VPS35: variants seen among roughly 807,000 people sequenced by gnomAD.
The protein encoded by VPS35 is VPS35 retromer complex component, also known as vacuolar protein sorting-associated protein 35.
Under a neutral mutation model 98.1 loss-of-function variants are expected in VPS35, and 21 were observed. The observed-to-expected ratio is 0.21, with a 90% CI of 0.15 to 0.31. The LOEUF is 0.31. Among genes scored for constraint, VPS35 ranks in the 10% least tolerant of loss-of-function variants. The pLI is 1.00. For synonymous variants in VPS35, 268 were observed against 318.2 expected (o/e 0.84, Z 1.68); for missense variants, 554 against 950.8 (o/e 0.58, Z 5.49).
intron 1 of VPS35, chr16:46,688,551 T>C (rs773872331): frequency 2.1e-4 from 211 of 992,816 alleles, no homozygotes; most frequent in Non-Finnish European, 2.3e-4. Context: ...GAAGACAGCC[T>C]GAGTCCTTCC....
rs780197148 is a variant in VPS35 at position 46,662,486 on chromosome 16, G to A, written c.1828-4C>T. 1 of 1,613,694 alleles carries A rather than the reference G, an allele frequency of 6.2e-7. No homozygotes were observed. The highest frequency in any genetic ancestry group is 8.5e-7 in the Non-Finnish European group (1 of 1,180,028). On this transcript the variant is annotated splice_polypyrimidine_tract_variant and splice_region_variant and intron_variant, in intron 14 of 16. Coordinates refer to ENST00000299138, the MANE Select transcript of VPS35 (RefSeq NM_018206.6). ...CATCTTCATACAGAGAAAATGCCTA[G>A]TGAACATAAAGCAGAAAGGACTTTC... is the stretch of plus-strand genomic sequence containing the variant.
At chr16:46,688,364 AC>A (rs1966356862) in intron 1 of VPS35, 1 of 986,978 alleles carries the variant, frequency 1.0e-6, no homozygotes, top group Non-Finnish European at 1.2e-6. Flanking sequence ...GTTCAAGTTT[AC>A]CGGCCAACAG....
At chr16:46,660,811 AC>A (rs1245083143) in intron 16 of VPS35, 160 bp from the exon 17 acceptor site, 1 of 459,262 alleles carries the variant, frequency 2.2e-6, no homozygotes, top group Non-Finnish European at 4.0e-6. Flanking sequence ...TTGAACAATT[AC>A]TGACTATCAA....
chr16:46,684,239 G>A (rs752833962), intron 1 of VPS35, among the ~76,000 whole-genome samples: 3 of 152,122 alleles, frequency 2.0e-5, no homozygotes, highest in African/African-American at 4.8e-5. Flanking sequence ...CTGACCAATC[G>A]AAATCTTGTG....
At chr16:46,681,034 C>CAG (rs1596723725) in intron 4 of VPS35, among the ~76,000 whole-genome samples, 181 bp from the exon 5 acceptor site, 1 of 144,744 alleles carries the variant, frequency 6.9e-6, no homozygotes, top group East Asian at 2.0e-4. Context: ...AAAAACTATA[C>CAG]ACACACACAC....
In VPS35 at chr16:46,660,519, C is replaced by T. The variant is rs763043556; in HGVS notation, c.2344G>A (p.Glu782Lys). The T allele has an allele frequency of 1.2e-6, 2 of 1,613,994 alleles. No individual in the cohort carries two copies. The highest frequency in any genetic ancestry group is 2.2e-5 in the South Asian group (2 of 91,080). The stretch of plus-strand genomic sequence containing the variant: ...ATTGGCCCCTCGGATTCTGGTGATT[C>T]CCGCCGCAAGCGCAAATGCTCCAGT... ...NTLEHLRLRRESPESEGPIYE... is the reference protein window; with the variant it reads ...NTLEHLRLRRKSPESEGPIYE... Residue 782 changes from glutamate (E) to lysine (K), a missense_variant, in exon 17 of 17, where the codon GAA becomes AAA. This residue lies in a region of VPS35 where 153 missense variants were observed against 211.0 expected (regional missense o/e 0.73). Coordinates refer to ENST00000299138, the MANE Select transcript of VPS35 (RefSeq NM_018206.6).
intron 1 of VPS35, among the ~76,000 whole-genome samples, chr16:46,685,373 T>C (rs532551146): frequency 2.6e-5 from 4 of 152,156 alleles, no homozygotes; most frequent in African/African-American, 9.6e-5. Flanking sequence ...TGAACTAGCA[T>C]AGCTTATAAA....
At chr16:46,663,699 T>C (rs974681910) in intron 13 of VPS35, among the ~76,000 whole-genome samples, 2 of 150,620 alleles carry the variant, frequency 1.3e-5, no homozygotes, top group Non-Finnish European at 3.0e-5. Context: ...ACTCAACCTG[T>C]TTTTTCTTTC....
chr16:46,688,531 G>T, intron 1 of VPS35: 8 of 988,790 alleles, frequency 8.1e-6, no homozygotes, highest in Non-Finnish European at 9.6e-6. Context: ...CTTTGCGACC[G>T]TCAGGATTAG....
intron 11 of VPS35, 131 bp from the exon 12 acceptor site, chr16:46,671,991 T>G (rs952923240): frequency 1.3e-5 from 17 of 1,266,398 alleles, no homozygotes; most frequent in Non-Finnish European, 1.8e-5. Context: ...GGTGAGAAAG[T>G]CGATACACAT....
rs794558 is a variant in VPS35 at position 46,658,924 on chromosome 16, T to C, written c.*1548A>G. On this transcript the variant is annotated 3_prime_UTR_variant, in exon 17 of 17. Transcript: ENST00000299138. ...TTTCCCTTTAAGAGGTGGAGCTTAA[T>C]TCTCCTTACCCTTGAATATAGGCTA... 0.98 allele frequency: 148,793 copies of C among 152,334 alleles called. 72,749 individuals carry two copies. The highest frequency in any genetic ancestry group is 1 in the East Asian group (5,178 of 5,178). 9.4% of individuals were successfully genotyped at this position (152,334 alleles called of 1,614,324 possible). A position where few individuals can be genotyped will look rare whatever the true frequency, so the allele number is the denominator to read the frequency against.
At chr16:46,686,934 A>G (rs1416535176) in intron 1 of VPS35, among the ~76,000 whole-genome samples, 1 of 152,240 alleles carries the variant, frequency 6.6e-6, no homozygotes, top group African/African-American at 2.4e-5. Context: ...TGAACTGATC[A>G]CTTGGAAAAC....
chr16:46,671,143 G>C (rs1344229391), intron 12 of VPS35, among the ~76,000 whole-genome samples: 3 of 151,078 alleles, frequency 2.0e-5, no homozygotes, highest in East Asian at 3.9e-4. Flanking sequence ...AAAAAGTTAA[G>C]AAAAAGGCAA....
chr16:46,671,993 G>A (rs1416664221), intron 11 of VPS35, 133 bp from the exon 12 acceptor site: 25 of 1,251,036 alleles, frequency 2.0e-5, no homozygotes, highest in East Asian at 7.6e-5. Flanking sequence ...TGAGAAAGTC[G>A]ATACACATGT....
chr16:46,664,472 G>A (rs531003468), intron 13 of VPS35, among the ~76,000 whole-genome samples: 1 of 149,082 alleles, frequency 6.7e-6, no homozygotes, highest in Non-Finnish European at 1.5e-5. Flanking sequence ...TTTCTTGAGA[G>A]TTAAAATCGA....
chr16:46,673,997 T>C, intron 10 of VPS35: 1 of 324,154 alleles, frequency 3.1e-6, no homozygotes, highest in Non-Finnish European at 5.8e-6. Flanking sequence ...ATTTTATGTG[T>C]GGCCCAAGAA....
intron 13 of VPS35, among the ~76,000 whole-genome samples, chr16:46,667,236 T>C (rs1222210288): frequency 6.6e-6 from 1 of 152,254 alleles, no homozygotes; most frequent in Non-Finnish European, 1.5e-5. Flanking sequence ...TCTGTTCATA[T>C]ACCAGTTGGC....
chr16:46,660,689 T>C (rs1214827042), intron 16 of VPS35, 38 bp from the exon 17 acceptor site: 1 of 1,588,048 alleles, frequency 6.3e-7, no homozygotes, highest in East Asian at 2.2e-5. Context: ...ATCAAGCACG[T>C]ACCACAAAAA....
chr16:46,678,998 G>A lies in VPS35; in HGVS notation c.665C>T (p.Thr222Ile), dbSNP rs1163092596. The change falls in exon 6 of 17, where the codon ACA becomes ATA. Residue 222 changes from threonine (T) to isoleucine (I), a missense_variant. By Grantham distance (89) the Thr-to-Ile change is moderately conservative. Around this residue, in one of 5 missense-constraint regions of VPS35, gnomAD observed 77 missense variants for 222.3 expected, o/e 0.35. Coordinates refer to ENST00000299138, the MANE Select transcript of VPS35 (RefSeq NM_018206.6). ...CAACTGACTGAGGCGCACCAAATTTGTTCCCACTAAAATTCTCAGTTCTTG... is the reference window on the plus strand; with the variant it reads ...CAACTGACTGAGGCGCACCAAATTTATTCCCACTAAAATTCTCAGTTCTTG... ...ERQELRILVGTNLVRLSQLEG... is the reference protein window; with the variant it reads ...ERQELRILVGINLVRLSQLEG... 1 of 1,614,152 alleles carries A rather than the reference G, an allele frequency of 6.2e-7. No individual in the cohort carries two copies. Among genetic ancestry groups the A allele is most frequent in the East Asian group, 2.2e-5 (1 of 44,886 alleles).
Sources: allele counts gnomAD v4.1 joint callset (sites outside exome capture counted in the v4.1 genomes callset), GRCh38; gene constraint gnomAD v4.1.1; regional missense constraint gnomAD v4.1.1; transcripts MANE v1.5; gene names NCBI Gene and HGNC (gene_info 2026-07-23, HGNC 2026-07-21).